LARGE1: variants seen among roughly 807,000 people sequenced by gnomAD.
LARGE1 encodes xylosyl- and glucuronyltransferase LARGE1.
Under a neutral mutation model 87.6 loss-of-function variants are expected in LARGE1, and 43 were observed. The observed-to-expected ratio is 0.49, with a 90% CI of 0.38 to 0.63. The LOEUF is 0.63. Ranked by LOEUF, LARGE1 falls within the 30% of genes least tolerant of loss-of-function variation. LARGE1 has a pLI of 0.00. For missense variants in LARGE1, 802 were observed against 1,000.2 expected (o/e 0.80, Z 2.67); for synonymous variants, 434 against 394.6 (o/e 1.10, Z -1.18).
chr22:33,827,558 GT>G, intron 1 of LARGE1, among the ~76,000 whole-genome samples: 1 of 152,306 alleles, frequency 6.6e-6, no homozygotes, highest in South Asian at 2.1e-4. Context: ...AAGTGCAAAA[GT>G]TCTGGCCTGA....
At chr22:33,675,465 A>G (rs2081551063) in intron 2 of LARGE1, among the ~76,000 whole-genome samples, 1 of 152,062 alleles carries the variant, frequency 6.6e-6, no homozygotes, top group Admixed American at 6.6e-5. Flanking sequence ...AGAGCAGCAC[A>G]TATCTCTGAT....
At chr22:33,149,754 T>C in the LARGE1 span, among the ~76,000 whole-genome samples, 1 of 152,190 alleles carries the variant, frequency 6.6e-6, no homozygotes, top group Non-Finnish European at 1.5e-5. Flanking sequence ...TTCAGCTCCT[T>C]ATGCTTGTTG....
chr22:33,728,551 C>CAAAAAAA lies in LARGE1; in HGVS notation c.106+32813_106+32819dup, dbSNP rs57790780. ...GAGACTCCGTCTCCACCCCTACCAC[C>CAAAAAAA]AAAAAAAAAAAAAAAAAAAAAAAAA... On this transcript the variant is annotated intron_variant, in intron 2 of 14. Transcript: ENST00000397394. Among the ~76,000 whole-genome samples the CAAAAAAA allele has an allele frequency of 3.5e-4, 13 of 37,472 alleles. 1 individual carries two copies. The highest frequency in any genetic ancestry group is 2.0e-3 in the East Asian group (2 of 1,012). The allele number at this position is 37,472 out of a possible 152,430, so 24.6% of individuals were successfully genotyped here.
chr22:33,110,216 C>T, the LARGE1 span, among the ~76,000 whole-genome samples: 2 of 152,154 alleles, frequency 1.3e-5, no homozygotes, highest in Non-Finnish European at 2.9e-5. Context: ...AATGTCTACC[C>T]CACACCATCT....
At chr22:33,451,843 C>T (rs1245798631) in intron 6 of LARGE1, among the ~76,000 whole-genome samples, 4 of 151,758 alleles carry the variant, frequency 2.6e-5, no homozygotes, top group African/African-American at 9.7e-5. Context: ...AGGCGTGAGC[C>T]ACCGCCCCCG....
At chr22:33,475,135 G>A (rs1055974001) in intron 6 of LARGE1, among the ~76,000 whole-genome samples, 1 of 151,954 alleles carries the variant, frequency 6.6e-6, no homozygotes, top group Non-Finnish European at 1.5e-5. Context: ...TAATATGAGG[G>A]GTTTAGAAGC....
At chr22:33,308,007 G>T (rs914983810) in intron 11 of LARGE1, among the ~76,000 whole-genome samples, 2 of 152,096 alleles carry the variant, frequency 1.3e-5, no homozygotes, top group African/African-American at 4.8e-5. Context: ...GTCCCATGTT[G>T]GTTCCCACTA....
At position 33,804,263 on chromosome 22, in the gene LARGE1, A is replaced by G. The variant is rs116902767; in HGVS notation, c.-82-42705T>C. ...TTAGAGCCCTCTATCTATCCAAAAT[A>G]TAATAAATCTCCAACATTGAACGCA... On this transcript the variant is annotated intron_variant, in intron 1 of 14. Transcript: ENST00000397394. Among the ~76,000 whole-genome samples, 3 of 152,322 alleles carry G rather than the reference A, an allele frequency of 2.0e-5. No individual in the cohort carries two copies. In the East Asian group the frequency reaches 5.8e-4, roughly 29 times the overall value.
At chr22:33,405,809 G>A (rs746954529) in intron 7 of LARGE1, among the ~76,000 whole-genome samples, 7 of 152,194 alleles carry the variant, frequency 4.6e-5, no homozygotes, top group Non-Finnish European at 8.8e-5. Context: ...GGTGATTTTA[G>A]TACAACAATG....
intron 11 of LARGE1, among the ~76,000 whole-genome samples, chr22:33,207,985 A>C (rs984993129): frequency 6.6e-6 from 1 of 152,136 alleles, no homozygotes; most frequent in Non-Finnish European, 1.5e-5. Flanking sequence ...TCTTTTCTTT[A>C]GACTGGAGAG....
At chr22:33,247,039 C>T in intron 11 of LARGE1, among the ~76,000 whole-genome samples, 1 of 114,678 alleles carries the variant, frequency 8.7e-6, no homozygotes, top group African/African-American at 3.2e-5. Context: ...GAGAGAACTG[C>T]AGCCAGTATG....
intron 11 of LARGE1, among the ~76,000 whole-genome samples, chr22:33,235,645 G>A (rs1171116445): frequency 1.3e-5 from 2 of 152,110 alleles, no homozygotes; most frequent in African/African-American, 4.8e-5. Context: ...CTTCCCCTAC[G>A]TGTAGCCTCT....
chr22:33,339,843 T>G (rs968952609), intron 9 of LARGE1, among the ~76,000 whole-genome samples: 1 of 152,092 alleles, frequency 6.6e-6, no homozygotes, highest in Non-Finnish European at 1.5e-5. Flanking sequence ...AGTTTTTGTA[T>G]TTTGTAGAGA....
At chr22:33,371,828 C>T (rs1453262305) in intron 9 of LARGE1, among the ~76,000 whole-genome samples, 1 of 151,752 alleles carries the variant, frequency 6.6e-6, no homozygotes. Flanking sequence ...ACTAAAAATA[C>T]AAAAAATTAG....
intron 2 of LARGE1, among the ~76,000 whole-genome samples, chr22:33,658,766 G>T (rs555172624): frequency 6.6e-6 from 1 of 152,216 alleles, no homozygotes; most frequent in East Asian, 1.9e-4. Context: ...ATGTATCTTT[G>T]TAACAGAATG....
chr22:33,596,929 T>C (rs1202978560), intron 5 of LARGE1, among the ~76,000 whole-genome samples: 3 of 152,234 alleles, frequency 2.0e-5, no homozygotes, highest in African/African-American at 7.2e-5. Context: ...CTCTGGGTAT[T>C]AACACATTAT....
chr22:33,345,674 C>T (rs1939663164), intron 9 of LARGE1, among the ~76,000 whole-genome samples: 1 of 152,180 alleles, frequency 6.6e-6, no homozygotes, highest in African/African-American at 2.4e-5. Context: ...AAATTGATTA[C>T]TGTCCAGGAA....
chr22:33,516,694 A>T (rs1338566370), intron 6 of LARGE1, among the ~76,000 whole-genome samples: 1 of 151,874 alleles, frequency 6.6e-6, no homozygotes, highest in Non-Finnish European at 1.5e-5. Flanking sequence ...GGTTCAAGCG[A>T]TTCTCCTGCC....
Position 33,402,009 on chromosome 22 carries a change from A to G in LARGE1, c.893-17705T>C, listed in dbSNP as rs142043031. On this transcript the variant is annotated intron_variant, in intron 7 of 14. Coordinates refer to ENST00000397394, the MANE Select transcript of LARGE1 (RefSeq NM_133642.5). The stretch of plus-strand genomic sequence containing the variant: ...GCAGTCCCTTCATTCAAATATGCTG[A>G]CTTCCAAGGGCAGATGTCTTCTTGA... 2.0e-5 allele frequency among the ~76,000 whole-genome samples: 3 copies of G among 152,298 alleles called. No individual in the cohort carries two copies. The East Asian group carries it at 5.8e-4, about 29-fold the overall frequency.
Sources: gnomAD v4.1 joint callset for allele counts (sites outside exome capture counted in the v4.1 genomes callset) on GRCh38, gnomAD v4.1.1 for gene constraint, MANE v1.5 for transcripts, NCBI Gene and HGNC (gene_info 2026-07-23, HGNC 2026-07-21) for gene names.